The following MUTYH variants were observed in gnomAD, a reference collection of about 807,000 sequenced individuals.
The protein encoded by MUTYH is adenine DNA glycosylase.
A neutral mutation model predicts 72.9 loss-of-function variants in MUTYH; 64 were observed. That is an observed-to-expected ratio of 0.88 (90% CI 0.72 to 1.08). The LOEUF (loss-of-function observed/expected upper bound fraction) is 1.08, where lower values mean the gene tolerates loss of function less well. Among genes scored for constraint, MUTYH ranks in the 50% least tolerant of loss-of-function variants. The pLI is 0.00. For missense variants in MUTYH, 633 were observed against 671.0 expected (o/e 0.94, Z 0.63); for synonymous variants, 234 against 263.1 (o/e 0.89, Z 1.07).
At position 45,331,777 on chromosome 1, in the gene MUTYH, T is replaced by C. The variant is rs754178539; in HGVS notation, c.986A>G (p.Asn329Ser). ...EPWDQTLGVV[N>S]FPRKASRKPP... ...CTTGCGGCTGGCCTTTCTGGGGAAG[T>C]TGACCACTCCCAGGGTCTGGTCCCA... The change falls in exon 12 of 16, where the codon AAC (asparagine) becomes AGC (serine). Residue 329 changes from asparagine (N) to serine (S), a missense_variant. Asn to Ser is a conservative substitution (Grantham distance 46). Coordinates refer to ENST00000456914, the MANE Select transcript of MUTYH (RefSeq NM_001048174.2). The C allele has an allele frequency of 2.5e-6, 4 of 1,613,744 alleles. No individual in the cohort carries two copies. In the African/African-American group the frequency reaches 4.0e-5, roughly 16 times the overall value.
chr1:45,340,031 G>C, upstream of MUTYH: 1 of 1,539,598 alleles, frequency 6.5e-7, no homozygotes, highest in African/African-American at 1.4e-5. Context: ...GGCGTGGCTC[G>C]GGTCCACCCG....
chr1:45,340,209 T>G (rs201746729), upstream of MUTYH: 11 of 1,613,674 alleles, frequency 6.8e-6, no homozygotes, highest in East Asian at 8.9e-5. Flanking sequence ...GGACCGCAAG[T>G]CCAGCGTACC....
intron 1 of MUTYH, 55 bp from the exon 2 acceptor site, chr1:45,334,566 G>A (rs2149191081): frequency 6.2e-7 from 1 of 1,612,058 alleles, no homozygotes; most frequent in South Asian, 1.1e-5. Flanking sequence ...CAAATTTTGA[G>A]GCCTTCCAAG....
At chr1:45,339,682 C>T (rs1015460326) in intron 1 of MUTYH, 11 of 491,014 alleles carry the variant, frequency 2.2e-5, no homozygotes, top group South Asian at 8.9e-5. Context: ...CTCTTACACC[C>T]TGGGCAGCCT....
chr1:45,340,278 C>T (rs1305609192), upstream of MUTYH: 1 of 1,613,696 alleles, frequency 6.2e-7, no homozygotes, highest in East Asian at 2.2e-5. Flanking sequence ...GACGATGGCG[C>T]AGTTTCAGCT....
At chr1:45,340,112 G>A (rs1480671650), upstream of MUTYH, 8 of 1,558,552 alleles carry the variant, frequency 5.1e-6, no homozygotes, top group South Asian at 1.2e-5. Flanking sequence ...CGCCGGACCC[G>A]GGACGTCTGA....
intron 2 of MUTYH, 90 bp from the exon 3 acceptor site, chr1:45,333,651 C>G: frequency 6.4e-7 from 1 of 1,553,502 alleles, no homozygotes; most frequent in East Asian, 2.3e-5. Context: ...AGTATGCTCC[C>G]ACTTAGGGCT....
chr1:45,332,041 G>A lies in MUTYH; in HGVS notation c.895C>T (p.Pro299Ser), dbSNP rs867991237. The A allele has an allele frequency of 1.9e-6, 3 of 1,614,214 alleles. No homozygotes were observed. The highest frequency in any genetic ancestry group is 1.6e-4 in the Middle Eastern group (1 of 6,062). The part of the protein sequence containing the change: ...LLASGSLSGS[P>S]DVEECAPNTG... ...TGCTCACCACACTCCTCCACGTCAG[G>A]ACTGCCCGACAGGCTCCCTGAGGCT... is the stretch of plus-strand genomic sequence containing the variant. The change falls in exon 11 of 16, where the codon CCT becomes TCT. Residue 299 changes from proline to serine, a missense_variant. Physicochemically the swap from Pro to Ser is moderately conservative, Grantham distance 74. Coordinates refer to ENST00000456914, the MANE Select transcript of MUTYH (RefSeq NM_001048174.2).
chr1:45,331,564 G>A lies in MUTYH; in HGVS notation c.1103-8C>T. 1 of 1,613,798 alleles carries A rather than the reference G, an allele frequency of 6.2e-7. No individual in the cohort carries two copies. The highest frequency in any genetic ancestry group is 1.1e-5 in the South Asian group (1 of 91,080). On this transcript the variant is annotated splice_region_variant and splice_polypyrimidine_tract_variant and intron_variant, in intron 12 of 15. Transcript: ENST00000456914. ...ACAGTCCTGCCAGCAGACCTGAGAG[G>A]GAGGGCAGCCAGGCAGGGGTCAGGC...
chr1:45,335,813 C>CA (rs1350462403), intron 1 of MUTYH, among the ~76,000 whole-genome samples: 8 of 150,364 alleles, frequency 5.3e-5, no homozygotes, highest in African/African-American at 7.3e-5. Context: ...GACTCTGTCT[C>CA]AAAAAAAAAG....
At chr1:45,336,727 T>C (rs1004550010) in intron 1 of MUTYH, among the ~76,000 whole-genome samples, 2 of 152,160 alleles carry the variant, frequency 1.3e-5, no homozygotes, top group Non-Finnish European at 1.5e-5. Context: ...CCAGGTGAAA[T>C]AAACAGCCTT....
At chr1:45,338,937 A>G (rs193202161) in intron 1 of MUTYH, among the ~76,000 whole-genome samples, 251 of 151,352 alleles carry the variant, frequency 1.7e-3, no homozygotes, top group Non-Finnish European at 3.1e-3. Context: ...CTAATTTTTA[A>G]TTTTCTTTTT....
rs1432929984 is a variant in MUTYH, at chr1:45,334,430, C to G, written c.76G>C (p.Ala26Pro). ...AASQEGRQKH[A>P]KNNSQAKPSA... is the part of the protein sequence containing the mutation. The stretch of plus-strand genomic sequence containing the variant: ...GGCTTGGCCTGACTGTTGTTCTTAG[C>G]ATGCTTCTGCCTCCCTTCCTGGCTG... The change falls in exon 2 of 16, where the codon GCT becomes CCT. Residue 26 changes from alanine (A) to proline (P), a missense_variant. Coordinates refer to ENST00000456914, the MANE Select transcript of MUTYH (RefSeq NM_001048174.2). 3 of 1,614,080 alleles carry G rather than the reference C, an allele frequency of 1.9e-6. No individual in the cohort carries two copies. The South Asian group carries it at 3.3e-5, about 18-fold the overall frequency.
At chr1:45,336,124 A>C (rs1414314470) in intron 1 of MUTYH, among the ~76,000 whole-genome samples, 6 of 152,168 alleles carry the variant, frequency 3.9e-5, no homozygotes, top group African/African-American at 1.2e-4. Context: ...TCCCCATTCC[A>C]TTCTCTCTAG....
In MUTYH at chr1:45,331,256, T is replaced by C. The variant is rs1644780902; in HGVS notation, c.1318A>G (p.Thr440Ala). 6.2e-7 allele frequency: 1 copy of C among 1,614,100 alleles called. No homozygotes were observed. Among genetic ancestry groups the C allele is most frequent in the Non-Finnish European group, 8.5e-7 (1 of 1,180,008 alleles). ...LALEGQTPVT[T>A]VPPGARWLTQ... ...AGCCAGCGAGCACCTGGTGGTACGG[T>C]GGTCACTGGGGTCTGCCCTTCCAAG... Residue 440 changes from threonine (T) to alanine (A), a missense_variant, in exon 14 of 16, where the codon ACC becomes GCC. Physicochemically the swap from Thr to Ala is moderately conservative, Grantham distance 58 (BLOSUM62 0). Coordinates refer to ENST00000456914, the MANE Select transcript of MUTYH (RefSeq NM_001048174.2).
chr1:45,340,103 G>A (rs575231522), upstream of MUTYH: 1 of 1,552,424 alleles, frequency 6.4e-7, no homozygotes, highest in African/African-American at 1.4e-5. Flanking sequence ...CCTTCCCCGC[G>A]CCGGACCCGG....
chr1:45,330,229 A>T (rs1414542341), intron 15 of MUTYH, among the ~76,000 whole-genome samples: 1 of 9,904 alleles, frequency 1.0e-4, no homozygotes. Flanking sequence ...AGACTGTCTC[A>T]AAAAAAAAAA....
intron 1 of MUTYH, chr1:45,338,331 G>A: frequency 1.9e-6 from 1 of 521,676 alleles, no homozygotes; most frequent in East Asian, 3.9e-5. Context: ...GAATTTAGTT[G>A]CTTAAACACC....
rs878854187 is a variant in MUTYH, at chr1:45,333,582, T to C, written c.116-21A>G. 1 of 1,611,942 alleles carries C rather than the reference T, an allele frequency of 6.2e-7. No homozygotes were observed. Among genetic ancestry groups the C allele is most frequent in the East Asian group, 2.2e-5 (1 of 44,844 alleles). The stretch of plus-strand genomic sequence containing the variant: ...CAGGCCTGCTGGGGCCCCAGGACAC[T>C]CAGCAATCATCCCTGCACAGGCTGT... On this transcript the variant is annotated intron_variant, in intron 2 of 15. Coordinates refer to ENST00000456914, the MANE Select transcript of MUTYH (RefSeq NM_001048174.2).
Sources: allele counts gnomAD v4.1 joint callset (sites outside exome capture counted in the v4.1 genomes callset), GRCh38; gene constraint gnomAD v4.1.1; transcripts MANE v1.5; gene names NCBI Gene and HGNC (gene_info 2026-07-23, HGNC 2026-07-21).